Variants in CNTN4 observed in about 807,000 individuals in gnomAD.
CNTN4 encodes contactin-4.
Under a neutral mutation model 122.5 loss-of-function variants are expected in CNTN4, and 77 were observed. The ratio of observed to expected loss-of-function variants is 0.63; its 90% confidence interval spans 0.52 to 0.76. The LOEUF (loss-of-function observed/expected upper bound fraction) is 0.76, where lower values mean the gene tolerates loss of function less well. Ranked by LOEUF, CNTN4 falls within the 30% of genes least tolerant of loss-of-function variation. The pLI is 0.00. For missense variants in CNTN4, 1,256 were observed against 1,259.1 expected (o/e 1.00, Z 0.04); for synonymous variants, 512 against 447.0 (o/e 1.15, Z -1.83).
At chr3:2,142,963 A>C (rs919995296) in intron 2 of CNTN4, among the ~76,000 whole-genome samples, 1 of 152,204 alleles carries the variant, frequency 6.6e-6, no homozygotes, top group African/African-American at 2.4e-5. Flanking sequence ...GAAGGAGCAA[A>C]ATGAGTGCTC....
intron 3 of CNTN4, among the ~76,000 whole-genome samples, chr3:2,350,096 TA>T (rs1348342691): frequency 6.6e-6 from 1 of 152,206 alleles, no homozygotes; most frequent in Non-Finnish European, 1.5e-5. Context: ...GTGGTTGTTT[TA>T]CCTTTTCATC....
Position 2,599,621 on chromosome 3 carries a change from C to T in CNTN4, c.55+28063C>T, listed in dbSNP as rs139903599. Among the ~76,000 whole-genome samples the T allele has an allele frequency of 6.0e-4, 92 of 152,278 alleles. 2 individuals are homozygous for T. The highest frequency in any genetic ancestry group is 6.8e-3 in the Middle Eastern group (2 of 294). ...GTGGCTTACATCAGTTTCTGTATTACGGCTATCTTTTGTAGAATGATTTGT... is the reference window on the plus strand; with the variant it reads ...GTGGCTTACATCAGTTTCTGTATTATGGCTATCTTTTGTAGAATGATTTGT... On this transcript the variant is annotated intron_variant, in intron 4 of 24. Coordinates refer to ENST00000418658, the MANE Select transcript of CNTN4 (RefSeq NM_175607.3).
chr3:2,916,616 A>G lies in CNTN4; in HGVS notation c.1208-9013A>G, dbSNP rs1438940029. Among the ~76,000 whole-genome samples the G allele has an allele frequency of 8.1e-5, 10 of 123,830 alleles. 2 individuals carry two copies. The highest frequency in any genetic ancestry group is 6.8e-4 in the Admixed American group (8 of 11,796). The allele number at this position is 123,830 out of a possible 152,430, so 81.2% of individuals were successfully genotyped here. On this transcript the variant is annotated intron_variant, in intron 12 of 24. Transcript: ENST00000418658. ...TGTCTACTTCTTTCTACACAGACAC[A>G]GCAACAATCTGATTTCTCTTTCCTT... is the stretch of plus-strand genomic sequence containing the variant.
intron 3 of CNTN4, among the ~76,000 whole-genome samples, chr3:2,532,197 A>G (rs1214875994): frequency 6.6e-6 from 1 of 152,090 alleles, no homozygotes; most frequent in Admixed American, 6.6e-5. Flanking sequence ...ATAGACTAGT[A>G]TTTCTCTATT....
intron 3 of CNTN4, among the ~76,000 whole-genome samples, chr3:2,480,472 A>G (rs1297859380): frequency 6.6e-6 from 1 of 152,248 alleles, no homozygotes; most frequent in Admixed American, 6.5e-5. Flanking sequence ...CTGTATATCA[A>G]CAATGACCAA....
Position 2,152,020 on chromosome 3 carries a change from A to T in CNTN4, c.-145+51381A>T, listed in dbSNP as rs1405190377. Among the ~76,000 whole-genome samples the T allele has an allele frequency of 2.6e-5, 4 of 152,218 alleles. No homozygotes were observed. In the East Asian group the frequency reaches 5.8e-4, roughly 22 times the overall value. ...TACAATATTAACTGATCAGTGTTTT[A>T]AAAAAATGTTTGTATGCAGGGAGGT... On this transcript the variant is annotated intron_variant, in intron 2 of 24. Transcript: ENST00000418658.
chr3:2,111,695 C>T (rs888147860), intron 2 of CNTN4, among the ~76,000 whole-genome samples: 4 of 152,026 alleles, frequency 2.6e-5, no homozygotes, highest in African/African-American at 7.2e-5. Flanking sequence ...GTCATTTAAC[C>T]TTTTTTAGCT....
At chr3:2,306,752 C>A (rs1685460) in intron 2 of CNTN4, among the ~76,000 whole-genome samples, 1 of 151,842 alleles carries the variant, frequency 6.6e-6, no homozygotes, top group Non-Finnish European at 1.5e-5. Context: ...TCCATGAACA[C>A]GGGATGTCTT....
intron 2 of CNTN4, among the ~76,000 whole-genome samples, chr3:2,241,612 A>T (rs1153517): frequency 0.99 from 150,714 of 152,264 alleles, 74,616 homozygotes; most frequent in Middle Eastern, 1. Flanking sequence ...CTCTTTACTC[A>T]AGGTCACTAC....
chr3:2,175,938 A>G (rs993155724), intron 2 of CNTN4, among the ~76,000 whole-genome samples: 24 of 152,070 alleles, frequency 1.6e-4, no homozygotes, highest in African/African-American at 5.1e-4. Context: ...CTCTTTACCA[A>G]CCCCTTCATC....
In CNTN4 at chr3:2,988,407, G is replaced by C. The variant is rs753298839; in HGVS notation, c.1421G>C (p.Ser474Thr). ...AACGTTACTAAATCAGACGCTGGGA[G>C]TTATACCTGTATAGCCACTAACCAT... ...IINVTKSDAG[S>T]YTCIATNHFG... The change falls in exon 14 of 25, where the codon AGT (serine) becomes ACT (threonine). Residue 474 changes from serine to threonine, a missense_variant. Transcript: ENST00000418658. 6.2e-7 allele frequency: 1 copy of C among 1,613,700 alleles called. No individual in the cohort carries two copies. Among genetic ancestry groups the C allele is most frequent in the African/African-American group, 1.3e-5 (1 of 75,018 alleles).
chr3:2,125,383 CTTTA>C (rs2034079136), intron 2 of CNTN4, among the ~76,000 whole-genome samples: 1 of 130,860 alleles, frequency 7.6e-6, no homozygotes, highest in Non-Finnish European at 1.7e-5. Flanking sequence ...GCCACGTTTT[CTTTA>C]TTCATTTATT....
At chr3:2,390,242 G>GTA (rs1402130109) in intron 3 of CNTN4, among the ~76,000 whole-genome samples, 1 of 151,540 alleles carries the variant, frequency 6.6e-6, no homozygotes, top group African/African-American at 2.4e-5. Flanking sequence ...GTGTGTGTGT[G>GTA]TGTGTGTGTA....
At chr3:2,533,021 T>C (rs2077657665) in intron 3 of CNTN4, among the ~76,000 whole-genome samples, 1 of 152,132 alleles carries the variant, frequency 6.6e-6, no homozygotes, top group South Asian at 2.1e-4. Context: ...AATCTCTAGA[T>C]GTGAATCTTG....
Position 2,730,563 on chromosome 3 carries a change from C to T in CNTN4, c.56-5652C>T, listed in dbSNP as rs144625996. On this transcript the variant is annotated intron_variant, in intron 4 of 24. Transcript: ENST00000418658. ...CAGCTCCTAGGATTGTTCACAGATG[C>T]CCTGTAAAAATAAAAATAAAAACCA... Among the ~76,000 whole-genome samples the T allele has an allele frequency of 3.5e-3, 528 of 152,218 alleles. 6 individuals carry two copies. Among genetic ancestry groups the T allele is most frequent in the African/African-American group, 0.012 (502 of 41,538 alleles).
intron 4 of CNTN4, among the ~76,000 whole-genome samples, chr3:2,620,946 A>G (rs1320271306): frequency 6.6e-6 from 1 of 152,342 alleles, no homozygotes; most frequent in Admixed American, 6.5e-5. Context: ...CTAAACATGA[A>G]GTAAGAAAGA....
intron 23 of CNTN4, among the ~76,000 whole-genome samples, chr3:3,047,206 C>T (rs374738206): frequency 2.6e-5 from 4 of 151,674 alleles, no homozygotes; most frequent in African/African-American, 4.8e-5. Context: ...CTGTCAACAT[C>T]AGACAGATCA....
chr3:3,006,042 C>A (rs951626933), intron 14 of CNTN4, among the ~76,000 whole-genome samples: 1 of 151,926 alleles, frequency 6.6e-6, no homozygotes, highest in Non-Finnish European at 1.5e-5. Flanking sequence ...CCCACCCCCA[C>A]GCTCGGCTAA....
At chr3:2,172,485 C>T (rs190825375) in intron 2 of CNTN4, among the ~76,000 whole-genome samples, 75 of 152,112 alleles carry the variant, frequency 4.9e-4, no homozygotes, top group African/African-American at 1.4e-3. Flanking sequence ...AACAAAATCC[C>T]GGAAATCACC....
Sources: gnomAD v4.1 joint callset for allele counts (sites outside exome capture counted in the v4.1 genomes callset) on GRCh38, gnomAD v4.1.1 for gene constraint, MANE v1.5 for transcripts, NCBI Gene and HGNC (gene_info 2026-07-23, HGNC 2026-07-21) for gene names.